The following ZNF704 variants were observed in gnomAD, a reference collection of about 807,000 sequenced individuals.
The protein encoded by ZNF704 is glucocorticoid induced gene 1.
ZNF704 carries 10 observed loss-of-function variants against 44.7 expected under a neutral mutation model. The ratio of observed to expected loss-of-function variants is 0.22; its 90% CI spans 0.14 to 0.38. The LOEUF (loss-of-function observed/expected upper bound fraction) is 0.38, where lower values mean the gene tolerates loss of function less well. Among genes scored for constraint, ZNF704 ranks in the 10% least tolerant of loss-of-function variants. The pLI is 1.00. For synonymous variants in ZNF704, 211 were observed against 207.6 expected, an observed-to-expected ratio of 1.02 and a Z score of -0.14; for missense variants, 390 against 545.5, an observed-to-expected ratio of 0.71 and a Z score of 2.84.
At chr8:80,795,399 T>C (rs1194710488) in intron 2 of ZNF704, among the ~76,000 whole-genome samples, 2 of 152,196 alleles carry the variant, frequency 1.3e-5, no homozygotes, top group African/African-American at 4.8e-5. Flanking sequence ...CCAAAAACAT[T>C]CCACAGAATG....
intron 2 of ZNF704, among the ~76,000 whole-genome samples, chr8:80,774,572 G>C (rs1371681752): frequency 6.6e-6 from 1 of 152,144 alleles, no homozygotes; most frequent in East Asian, 1.9e-4. Context: ...ACCATGAAGG[G>C]AAAGGGGTAA....
intron 2 of ZNF704, among the ~76,000 whole-genome samples, chr8:80,802,690 C>A (rs1323959342): frequency 6.6e-6 from 1 of 152,098 alleles, no homozygotes; most frequent in East Asian, 1.9e-4. Flanking sequence ...GAACATACCT[C>A]AAAATAATAC....
chr8:80,631,538 T>C lies in ZNF704; in HGVS notation c.*9828A>G, dbSNP rs1238120848. On this transcript the variant is annotated 3_prime_UTR_variant, in exon 9 of 9. Coordinates refer to ENST00000327835, the MANE Select transcript of ZNF704 (RefSeq NM_001033723.3). Reference sequence around the variant, plus strand: ...GTAATTAAACATGGAGCCCTCTTGCTCTGTCCTCATTGTCCCCTCCTAAGG... The same window carrying C: ...GTAATTAAACATGGAGCCCTCTTGCCCTGTCCTCATTGTCCCCTCCTAAGG... The C allele has an allele frequency of 6.6e-6, 1 of 152,248 alleles. No individual in the cohort carries two copies. Among genetic ancestry groups the C allele is most frequent in the Non-Finnish European group, 1.5e-5 (1 of 68,066 alleles). The allele number at this position is 152,248 out of a possible 1,614,324, so 9.4% of individuals were successfully genotyped here.
intron 1 of ZNF704, among the ~76,000 whole-genome samples, chr8:80,823,734 G>A (rs1381102905): frequency 6.6e-6 from 1 of 152,186 alleles, no homozygotes; most frequent in African/African-American, 2.4e-5. Flanking sequence ...TCCAGAGGAA[G>A]GATCAGGCAG....
At chr8:80,706,718 GGCTAATTTGCTGAGAT>G (rs2131651602) in intron 2 of ZNF704, among the ~76,000 whole-genome samples, 1 of 152,324 alleles carries the variant, frequency 6.6e-6, no homozygotes, top group African/African-American at 2.4e-5. Context: ...AAGTCAAGTG[GGCTAATTTGCTGAGAT>G]GCTTTAGGCT....
In ZNF704 at chr8:80,707,733, G is replaced by A. The variant is rs147721974; in HGVS notation, c.222-14626C>T. ...TTTAAATTCGATTGTTTCAATCAAT[G>A]AGCCAGACAATGGTTCTCTTTTCTA... On this transcript the variant is annotated intron_variant, in intron 2 of 8. Coordinates refer to ENST00000327835, the MANE Select transcript of ZNF704 (RefSeq NM_001033723.3). Among the ~76,000 whole-genome samples, 6 of 152,340 alleles carry A rather than the reference G, an allele frequency of 3.9e-5. No homozygotes were observed. In the East Asian group the frequency reaches 1.2e-3, roughly 29 times the overall value.
In ZNF704 at chr8:80,754,736, A is replaced by G. The variant is rs73268637; in HGVS notation, c.222-61629T>C. 5.1e-3 allele frequency among the ~76,000 whole-genome samples: 772 copies of G among 152,332 alleles called. 8 individuals are homozygous for G. The highest frequency in any genetic ancestry group is 0.017 in the African/African-American group (710 of 41,570). On this transcript the variant is annotated intron_variant, in intron 2 of 8. Coordinates refer to ENST00000327835, the MANE Select transcript of ZNF704 (RefSeq NM_001033723.3). Reference sequence around the variant, plus strand: ...CCCTGCAGTTAGGCATGACCCCATGATCTGCCTGGGTCAGTGGAAAGTGAG... The same window carrying G: ...CCCTGCAGTTAGGCATGACCCCATGGTCTGCCTGGGTCAGTGGAAAGTGAG...
At chr8:80,802,717 A>T (rs1038029521) in intron 2 of ZNF704, among the ~76,000 whole-genome samples, 16 of 152,288 alleles carry the variant, frequency 1.1e-4, no homozygotes, top group African/African-American at 3.9e-4. Context: ...TATATGACAA[A>T]CCCACAGCCA....
intron 1 of ZNF704, among the ~76,000 whole-genome samples, chr8:80,857,822 A>G (rs541527073): frequency 2.6e-4 from 39 of 152,156 alleles, no homozygotes; most frequent in Non-Finnish European, 4.7e-4. Context: ...TATAGATTTC[A>G]CTGGTAAAGC....
At chr8:80,714,598 T>A (rs981166777) in intron 2 of ZNF704, among the ~76,000 whole-genome samples, 1 of 152,198 alleles carries the variant, frequency 6.6e-6, no homozygotes, top group Non-Finnish European at 1.5e-5. Context: ...TCCTCCGGCC[T>A]CCTTTGTGTG....
intron 2 of ZNF704, among the ~76,000 whole-genome samples, chr8:80,719,177 T>C (rs904478248): frequency 6.6e-6 from 1 of 152,110 alleles, no homozygotes; most frequent in Non-Finnish European, 1.5e-5. Context: ...GGTTTTGCCA[T>C]GTTGCCCAGG....
intron 4 of ZNF704, among the ~76,000 whole-genome samples, chr8:80,684,399 G>A (rs950720439): frequency 8.5e-5 from 13 of 152,198 alleles, no homozygotes; most frequent in South Asian, 8.3e-4. Flanking sequence ...TGATTAAAGA[G>A]TGACTCATTA....
intron 3 of ZNF704, among the ~76,000 whole-genome samples, chr8:80,689,060 T>C (rs964422983): frequency 3.3e-5 from 5 of 152,116 alleles, no homozygotes; most frequent in African/African-American, 1.2e-4. Flanking sequence ...TTTATATAAA[T>C]TTTACTTTTT....
At chr8:80,687,505 G>C in intron 3 of ZNF704, 47 bp from the exon 4 acceptor site, 1 of 1,410,582 alleles carries the variant, frequency 7.1e-7, no homozygotes. Flanking sequence ...TGCGTGCCCG[G>C]GCATGGTTCA....
intron 2 of ZNF704, among the ~76,000 whole-genome samples, chr8:80,789,711 C>T (rs1276597318): frequency 6.6e-6 from 1 of 152,030 alleles, no homozygotes; most frequent in Non-Finnish European, 1.5e-5. Context: ...CACTGTACTC[C>T]AGCCTGGGTG....
intron 4 of ZNF704, among the ~76,000 whole-genome samples, chr8:80,673,032 G>A (rs1362786248): frequency 1.3e-5 from 2 of 152,084 alleles, no homozygotes; most frequent in African/African-American, 2.4e-5. Context: ...TTAAAGTAGT[G>A]TTATGAATAA....
In ZNF704 at chr8:80,861,991, C is replaced by CTTTTTTTTT. The variant is rs71266093; in HGVS notation, c.-22+12571_-22+12579dup. On this transcript the variant is annotated intron_variant, in intron 1 of 8. Transcript: ENST00000327835. Reference sequence around the variant, plus strand: ...GTTGAACAAGATAGAAAAAAATAACCTTTTTTTTTTTTTTTTTTTTTTTTT... The same window carrying CTTTTTTTTT: ...GTTGAACAAGATAGAAAAAAATAACCTTTTTTTTTTTTTTTTTTTTTTTTTTTTTTTTTT... Among the ~76,000 whole-genome samples, 7 of 92,996 alleles carry CTTTTTTTTT rather than the reference C, an allele frequency of 7.5e-5. 1 individual carries two copies. Among genetic ancestry groups the CTTTTTTTTT allele is most frequent in the African/African-American group, 3.8e-4 (7 of 18,556 alleles). 61.0% of individuals were successfully genotyped at this position (92,996 alleles called of 152,430 possible).
At chr8:80,801,026 A>G (rs1183503249) in intron 2 of ZNF704, among the ~76,000 whole-genome samples, 1 of 152,174 alleles carries the variant, frequency 6.6e-6, no homozygotes, top group African/African-American at 2.4e-5. Flanking sequence ...TTCCTGACAA[A>G]ACACACTTTA....
At position 80,747,860 on chromosome 8, in the gene ZNF704, G is replaced by A. The variant is rs111837853; in HGVS notation, c.222-54753C>T. Reference sequence around the variant, plus strand: ...GCATCCTGACTAGCTGGGACTACAGGTGCATGCCACCACACCTGGCTAATT... The same window carrying A: ...GCATCCTGACTAGCTGGGACTACAGATGCATGCCACCACACCTGGCTAATT... On this transcript the variant is annotated intron_variant, in intron 2 of 8. Coordinates refer to ENST00000327835, the MANE Select transcript of ZNF704 (RefSeq NM_001033723.3). Among the ~76,000 whole-genome samples the A allele has an allele frequency of 4.6e-3, 696 of 152,268 alleles. 5 individuals carry two copies. The highest frequency in any genetic ancestry group is 0.015 in the African/African-American group (637 of 41,544).
Sources: gnomAD v4.1 joint callset for allele counts (sites outside exome capture counted in the v4.1 genomes callset) on GRCh38, gnomAD v4.1.1 for gene constraint, MANE v1.5 for transcripts, NCBI Gene and HGNC (gene_info 2026-07-23, HGNC 2026-07-21) for gene names.